The following PDCL2 variants were observed in gnomAD, a reference collection of about 807,000 sequenced individuals.
The protein encoded by PDCL2 is phosducin-like protein 2.
A neutral mutation model predicts 30.3 loss-of-function variants in PDCL2; 23 were observed. The ratio of observed to expected loss-of-function variants is 0.76; its 90% CI spans 0.55 to 1.08. The LOEUF (loss-of-function observed/expected upper bound fraction) is 1.08, where lower values mean the gene tolerates loss of function less well. Among genes scored for constraint, PDCL2 ranks in the 50% least tolerant of loss-of-function variants. The probability of loss-of-function intolerance (pLI) is 0.00; values close to 1 mark genes in which losing one functional copy is unlikely to be tolerated. For missense variants in PDCL2, 243 were observed against 282.3 expected (o/e 0.86, Z 1.00); for synonymous variants, 68 against 86.2 (o/e 0.79, Z 1.17).
Position 55,580,821 on chromosome 4 carries a change from C to G in PDCL2, c.218G>C (p.Arg73Thr), listed in dbSNP as rs1732688628. 6.3e-7 allele frequency: 1 copy of G among 1,598,512 alleles called. No homozygotes were observed. Among genetic ancestry groups the G allele is most frequent in the Non-Finnish European group, 8.5e-7 (1 of 1,171,002 alleles). Reference sequence around the variant, plus strand: ...AATTAACCCAAATGAATCACTGTACCTATATGTTTCAACAGCCTGCATATC... The same window carrying G: ...AATTAACCCAAATGAATCACTGTACGTATATGTTTCAACAGCCTGCATATC... Reference protein sequence around the residue: ...EEDMQAVETYRKKRLQEWKAL... With the variant: ...EEDMQAVETYTKKRLQEWKAL... The change falls in exon 3 of 6, where the codon AGA (arginine) becomes ACA (threonine). Residue 73 changes from arginine (R) to threonine (T), a missense_variant and splice_region_variant. Physicochemically the swap from Arg to Thr is moderately conservative, Grantham distance 71. Transcript: ENST00000295645.
chr4:55,578,961 T>C (rs2101476), intron 3 of PDCL2, among the ~76,000 whole-genome samples: 34,662 of 152,084 alleles, frequency 0.23, 4,583 homozygotes, highest in South Asian at 0.38. Flanking sequence ...ATTTCTCTAA[T>C]TTCATTTACA....
At chr4:55,586,756 A>G (rs1042752257) in intron 1 of PDCL2, among the ~76,000 whole-genome samples, 8 of 152,220 alleles carry the variant, frequency 5.3e-5, no homozygotes, top group Non-Finnish European at 8.8e-5. Context: ...AGTTTTCCAC[A>G]GCAGTTGTGC....
At position 55,560,290 on chromosome 4, in the gene PDCL2, C is replaced by T. The variant is rs187657150; in HGVS notation, c.571+2114G>A. ...AGTATGGAAATACAGGTAACTTCAACTTTATCTGCAATGTGTTTTTAAAAG... is the reference window on the plus strand; with the variant it reads ...AGTATGGAAATACAGGTAACTTCAATTTTATCTGCAATGTGTTTTTAAAAG... On this transcript the variant is annotated intron_variant, in intron 5 of 5. Coordinates refer to ENST00000295645, the MANE Select transcript of PDCL2 (RefSeq NM_152401.3). Among the ~76,000 whole-genome samples the T allele has an allele frequency of 3.3e-3, 507 of 152,004 alleles. 2 individuals carry two copies. Among genetic ancestry groups the T allele is most frequent in the African/African-American group, 0.011 (465 of 41,480 alleles).
chr4:55,574,239 A>G (rs571425004), intron 3 of PDCL2, among the ~76,000 whole-genome samples: 1 of 152,280 alleles, frequency 6.6e-6, no homozygotes, highest in South Asian at 2.1e-4. Context: ...ATTTCTATTT[A>G]TGGTATCGCT....
chr4:55,580,548 C>T (rs1434091241), intron 3 of PDCL2, among the ~76,000 whole-genome samples: 1 of 152,106 alleles, frequency 6.6e-6, no homozygotes, highest in African/African-American at 2.4e-5. Flanking sequence ...TTATTGGCCT[C>T]TTATTGCTAT....
chr4:55,561,218 G>A (rs13116035), intron 5 of PDCL2, among the ~76,000 whole-genome samples: 46,629 of 151,784 alleles, frequency 0.31, 7,705 homozygotes, highest in East Asian at 0.58. Context: ...CAGAGGTCTC[G>A]GTAAGGGCAA....
At chr4:55,588,426 T>C (rs188876651) in intron 1 of PDCL2, among the ~76,000 whole-genome samples, 21 of 151,928 alleles carry the variant, frequency 1.4e-4, no homozygotes, top group Non-Finnish European at 2.6e-4. Context: ...AGGACTCTCT[T>C]ATCTACTTCT....
At chr4:55,563,337 G>C (rs532332188) in intron 4 of PDCL2, among the ~76,000 whole-genome samples, 125 of 152,092 alleles carry the variant, frequency 8.2e-4, no homozygotes, top group African/African-American at 2.9e-3. Flanking sequence ...CTCTTTTCCT[G>C]TTTTCTCATC....
At chr4:55,569,663 AAT>A in intron 4 of PDCL2, 53 bp downstream of exon 4, 1 of 1,383,334 alleles carries the variant, frequency 7.2e-7, no homozygotes, top group African/African-American at 1.5e-5. Context: ...TAAAACCAAA[AAT>A]ATGTCTTTTA....
At chr4:55,562,011 G>A (rs1293163323) in intron 5 of PDCL2, among the ~76,000 whole-genome samples, 1 of 152,010 alleles carries the variant, frequency 6.6e-6, no homozygotes, top group Non-Finnish European at 1.5e-5. Flanking sequence ...TTGGATAATA[G>A]AGAAAGGTAG....
chr4:55,576,981 T>C (rs1732587006), intron 3 of PDCL2, among the ~76,000 whole-genome samples: 1 of 150,786 alleles, frequency 6.6e-6, no homozygotes, highest in Non-Finnish European at 1.5e-5. Flanking sequence ...CACTGCAACC[T>C]CTGCCTCCCA....
At chr4:55,591,248 G>A (rs1732991297) in intron 1 of PDCL2, among the ~76,000 whole-genome samples, 1 of 151,912 alleles carries the variant, frequency 6.6e-6, no homozygotes, top group Non-Finnish European at 1.5e-5. Context: ...GAGCAGGTGG[G>A]GAAAAGGTGT....
intron 3 of PDCL2, among the ~76,000 whole-genome samples, chr4:55,578,390 G>A (rs575794538): frequency 6.6e-6 from 1 of 152,328 alleles, no homozygotes; most frequent in Non-Finnish European, 1.5e-5. Flanking sequence ...ATGAACAGCT[G>A]CTACTGAACT....
intron 1 of PDCL2, among the ~76,000 whole-genome samples, chr4:55,583,364 AT>A (rs1160297644): frequency 1.3e-5 from 2 of 152,162 alleles, no homozygotes; most frequent in Non-Finnish European, 2.9e-5. Context: ...CAATATATAG[AT>A]TGTCTCTTCA....
chr4:55,562,563 T>G lies in PDCL2; in HGVS notation c.412A>C (p.Lys138Gln). The G allele has an allele frequency of 6.2e-7, 1 of 1,605,880 alleles. No homozygotes were observed. The highest frequency in any genetic ancestry group is 1.1e-5 in the South Asian group (1 of 89,448). Residue 138 changes from lysine (K) to glutamine (Q), a missense_variant, in exon 5 of 6, where the codon AAG becomes CAG. Physicochemically the swap from Lys to Gln is moderately conservative, Grantham distance 53. Coordinates refer to ENST00000295645, the MANE Select transcript of PDCL2 (RefSeq NM_152401.3). ...TTAACAAATTTAGTTTCTGGAAACT[T>G]TCTTGCTAGAAGACTAAGATGCTGG... is the stretch of plus-strand genomic sequence containing the variant. Reference protein sequence around the residue: ...VNQHLSLLARKFPETKFVKAI... With the variant: ...VNQHLSLLARQFPETKFVKAI...
intron 5 of PDCL2, among the ~76,000 whole-genome samples, chr4:55,558,469 G>C (rs1049621588): frequency 6.6e-6 from 1 of 152,170 alleles, no homozygotes; most frequent in African/African-American, 2.4e-5. Flanking sequence ...TGCCATGATT[G>C]TAAGTTTGCT....
chr4:55,562,912 G>GA (rs33953658), intron 4 of PDCL2, among the ~76,000 whole-genome samples: 42,862 of 108,608 alleles, frequency 0.39, 6,886 homozygotes, highest in East Asian at 0.65. Context: ...CCAGTTTGTA[G>GA]AAAAAAAAAA....
Position 55,569,712 on chromosome 4 carries a change from A to T in PDCL2, c.362+6T>A, listed in dbSNP as rs767522458. ...TATTAACATTTTGAAATATTATGGT[A>T]ATTACCTTGATCTGTATAGATGAAT... On this transcript the variant is annotated splice_donor_region_variant and intron_variant, in intron 4 of 5. Transcript: ENST00000295645. 7.3e-6 allele frequency: 11 copies of T among 1,502,324 alleles called. No homozygotes were observed. The highest frequency in any genetic ancestry group is 2.5e-5 in the Admixed American group (1 of 40,688). The allele number at this position is 1,502,324 out of a possible 1,614,324, so 93.1% of individuals were successfully genotyped here.
At chr4:55,570,960 C>T (rs1732406138) in intron 3 of PDCL2, among the ~76,000 whole-genome samples, 1 of 152,206 alleles carries the variant, frequency 6.6e-6, no homozygotes, top group Non-Finnish European at 1.5e-5. Flanking sequence ...CTGCCCCTCC[C>T]AGGGCTAGTG....
Sources: allele counts gnomAD v4.1 joint callset (sites outside exome capture counted in the v4.1 genomes callset), GRCh38; gene constraint gnomAD v4.1.1; transcripts MANE v1.5; gene names NCBI Gene and HGNC (gene_info 2026-07-23, HGNC 2026-07-21).